Variants in TBX15 observed in about 807,000 individuals in gnomAD.
TBX15 encodes T-box transcription factor 15, also known as T-box transcription factor TBX15.
In TBX15, 18 loss-of-function variants were observed where a neutral mutation model predicts 53.9. That is an observed-to-expected ratio of 0.33 (90% CI 0.23 to 0.49). The LOEUF (loss-of-function observed/expected upper bound fraction) is 0.49, where lower values mean the gene tolerates loss of function less well. TBX15 is among the 20% of genes least tolerant of loss of function. TBX15 has a pLI of 0.98. For synonymous variants in TBX15, 295 were observed against 278.0 expected, an observed-to-expected ratio of 1.06 and a Z score of -0.61; for missense variants, 692 against 749.5, an observed-to-expected ratio of 0.92 and a Z score of 0.90.
chr1:118,939,643 G>T (rs918131288), intron 1 of TBX15, among the ~76,000 whole-genome samples: 1 of 149,592 alleles, frequency 6.7e-6, no homozygotes, highest in Non-Finnish European at 1.5e-5. Flanking sequence ...TCAGCATCAC[G>T]CAATATTCCC....
intron 5 of TBX15, among the ~76,000 whole-genome samples, chr1:118,918,443 C>G (rs1655317796): frequency 6.6e-6 from 1 of 152,062 alleles, no homozygotes; most frequent in African/African-American, 2.4e-5. Flanking sequence ...AAACAATGCT[C>G]TTGATTCTAT....
chr1:118,969,373 C>T (rs1299628060), intron 1 of TBX15, among the ~76,000 whole-genome samples: 2 of 152,134 alleles, frequency 1.3e-5, no homozygotes, highest in Non-Finnish European at 2.9e-5. Flanking sequence ...GAAGGGAAGC[C>T]TATAAGAGAA....
intron 2 of TBX15, among the ~76,000 whole-genome samples, chr1:118,928,134 T>C (rs1214750569): frequency 6.6e-6 from 1 of 152,188 alleles, no homozygotes; most frequent in Admixed American, 6.5e-5. Flanking sequence ...TCACTACTCA[T>C]CCAGGAGAAG....
chr1:118,914,247 A>G, intron 5 of TBX15, 68 bp from the exon 6 acceptor site: 1 of 1,403,418 alleles, frequency 7.1e-7, no homozygotes, highest in South Asian at 1.2e-5. Context: ...ACTCCTAGAA[A>G]ATTACAAAAA....
intron 7 of TBX15, among the ~76,000 whole-genome samples, chr1:118,889,771 C>T (rs1654073836): frequency 1.3e-5 from 2 of 150,910 alleles, no homozygotes; most frequent in South Asian, 4.2e-4. Flanking sequence ...ACAAAGTGCT[C>T]ATAACTGTAT....
At chr1:118,978,238 C>G (rs79619710) in intron 1 of TBX15, among the ~76,000 whole-genome samples, 3,410 of 152,284 alleles carry the variant, frequency 0.022, 128 homozygotes, top group African/African-American at 0.078. Flanking sequence ...CTAAAAATCT[C>G]TCTCTTTTAT....
chr1:118,904,183 G>A (rs565448078), intron 6 of TBX15, among the ~76,000 whole-genome samples: 1 of 152,232 alleles, frequency 6.6e-6, no homozygotes, highest in South Asian at 2.1e-4. Context: ...TGTCCCATGG[G>A]TGGTGCTATG....
chr1:118,936,943 G>C (rs1386254189), intron 1 of TBX15, among the ~76,000 whole-genome samples: 1 of 152,116 alleles, frequency 6.6e-6, no homozygotes, highest in Non-Finnish European at 1.5e-5. Flanking sequence ...ACAGGTTCTT[G>C]TTCTGAAGGA....
intron 1 of TBX15, among the ~76,000 whole-genome samples, chr1:118,949,584 G>A (rs1045481056): frequency 6.6e-6 from 1 of 152,078 alleles, no homozygotes; most frequent in Non-Finnish European, 1.5e-5. Context: ...GCATTTTCAG[G>A]GCTCCAGCTG....
chr1:118,951,394 A>T (rs942969687), intron 1 of TBX15, among the ~76,000 whole-genome samples: 4 of 152,220 alleles, frequency 2.6e-5, no homozygotes, highest in Non-Finnish European at 5.9e-5. Flanking sequence ...AAATAGAGAT[A>T]ACCTATGCCA....
chr1:118,889,657 C>A (rs1654070446), intron 7 of TBX15, among the ~76,000 whole-genome samples: 1 of 152,178 alleles, frequency 6.6e-6, no homozygotes, highest in Admixed American at 6.5e-5. Context: ...AAGGACAGAA[C>A]CTTAGCAAGT....
Position 118,988,289 on chromosome 1 carries a change from G to C in TBX15, c.-494C>G, listed in dbSNP as rs1207878085. The stretch of plus-strand genomic sequence containing the variant: ...TTCCGCTAAATTCCTCCCTTCCCGA[G>C]GAACAGGGGGCAGGCGGTGCGCTCC... On this transcript the variant is annotated 5_prime_UTR_variant, in exon 1 of 8. Coordinates refer to ENST00000369429, the MANE Select transcript of TBX15 (RefSeq NM_001330677.2). 6.4e-6 allele frequency: 1 copy of C among 155,532 alleles called. No individual in the cohort carries two copies. Among genetic ancestry groups the C allele is most frequent in the Non-Finnish European group, 1.4e-5 (1 of 70,676 alleles). The allele number at this position is 155,532 out of a possible 1,614,324, so 9.6% of individuals were successfully genotyped here.
chr1:118,925,490 C>T (rs1340246390), intron 3 of TBX15, among the ~76,000 whole-genome samples: 1 of 152,226 alleles, frequency 6.6e-6, no homozygotes, highest in African/African-American at 2.4e-5. Context: ...TATTTTCCCA[C>T]AAAGTCACTG....
chr1:118,911,184 C>G (rs1427316734), intron 6 of TBX15, among the ~76,000 whole-genome samples: 2 of 151,484 alleles, frequency 1.3e-5, no homozygotes, highest in African/African-American at 4.8e-5. Context: ...AACTGCCTAA[C>G]CTCTCTGAGC....
intron 6 of TBX15, among the ~76,000 whole-genome samples, chr1:118,901,635 A>T (rs1328811468): frequency 3.3e-5 from 5 of 152,238 alleles, no homozygotes; most frequent in Admixed American, 3.3e-4. Flanking sequence ...CACATATTTT[A>T]AATCTAGGAA....
chr1:118,901,274 T>C, intron 6 of TBX15: 2 of 446,296 alleles, frequency 4.5e-6, no homozygotes, highest in South Asian at 3.2e-5. Context: ...TGGTGAAAGA[T>C]GGAAGGTCAA....
chr1:118,948,716 T>G (rs750574271), intron 1 of TBX15, among the ~76,000 whole-genome samples: 3 of 152,200 alleles, frequency 2.0e-5, no homozygotes, highest in Admixed American at 6.5e-5. Flanking sequence ...TTCTCATTTC[T>G]CAAAATGATC....
At chr1:118,913,335 A>G (rs1048430261) in intron 6 of TBX15, among the ~76,000 whole-genome samples, 2 of 152,284 alleles carry the variant, frequency 1.3e-5, no homozygotes, top group Admixed American at 1.3e-4. Flanking sequence ...TACAAGATGA[A>G]ATTTTCTGAT....
chr1:118,914,974 A>G, intron 5 of TBX15, among the ~76,000 whole-genome samples: 1 of 152,202 alleles, frequency 6.6e-6, no homozygotes, highest in East Asian at 1.9e-4. Flanking sequence ...CACTCAATGC[A>G]TAAGTCCCCA....
Sources: allele counts gnomAD v4.1 joint callset (sites outside exome capture counted in the v4.1 genomes callset), GRCh38; gene constraint gnomAD v4.1.1; transcripts MANE v1.5; gene names NCBI Gene and HGNC (gene_info 2026-07-23, HGNC 2026-07-21).